The following CHD7 variants were observed in gnomAD, a reference collection of about 807,000 sequenced individuals.
CHD7 encodes the protein ATP-dependent chromatin remodeler CHD7.
CHD7 carries 24 observed loss-of-function variants against 307.3 expected under a neutral mutation model. That is an observed-to-expected ratio of 0.08 (90% CI 0.06 to 0.11). CHD7 has a LOEUF of 0.11. CHD7 is among the 10% of genes least tolerant of loss of function. The probability of loss-of-function intolerance (pLI) is 1.00; values close to 1 mark genes in which losing one functional copy is unlikely to be tolerated. For synonymous variants in CHD7, 1,363 were observed against 1,349.9 expected (o/e 1.01, Z -0.21); for missense variants, 3,106 against 3,727.1 (o/e 0.83, Z 4.34).
rs746168554 is a variant in CHD7 at position 60,838,135 on chromosome 8, A to G, written c.4413A>G (p.Ala1471=). 5.8e-6 allele frequency: 9 copies of G among 1,561,378 alleles called. No homozygotes were observed. The highest frequency in any genetic ancestry group is 1.9e-5 in the Admixed American group (1 of 51,562). The change falls in exon 19 of 38, where the codon GCA becomes GCG. Residue 1471 remains alanine (A), a synonymous_variant. Transcript: ENST00000423902. The stretch of plus-strand genomic sequence containing the variant: ...TTCTACGAAAAGGGGCCTATGGTGC[A>G]CTCATGGATGAGGAGGATGAAGGGT... ...EDLLRKGAYG[A]LMDEEDEGSK...
chr8:60,850,700 C>G, intron 26 of CHD7, 78 bp downstream of exon 26: 1 of 1,395,922 alleles, frequency 7.2e-7, no homozygotes, highest in Non-Finnish European at 9.9e-7. Flanking sequence ...TCTTACCCTG[C>G]AGTACACACT....
chr8:60,696,616 A>G (rs1806486053), intron 1 of CHD7, among the ~76,000 whole-genome samples: 1 of 151,512 alleles, frequency 6.6e-6, no homozygotes, highest in Non-Finnish European at 1.5e-5. Context: ...GATTGCAGGT[A>G]GTTTTTTTTT....
chr8:60,785,857 ATTC>A (rs1465919156), intron 3 of CHD7, among the ~76,000 whole-genome samples: 1 of 148,716 alleles, frequency 6.7e-6, no homozygotes, highest in East Asian at 2.0e-4. Flanking sequence ...TGATTTTCTT[ATTC>A]TTTATTTTAC....
At chr8:60,802,308 C>T (rs898824636) in intron 6 of CHD7, among the ~76,000 whole-genome samples, 1 of 152,148 alleles carries the variant, frequency 6.6e-6, no homozygotes, top group Non-Finnish European at 1.5e-5. Flanking sequence ...TTCTTACAGC[C>T]CACTTTGAGA....
At chr8:60,818,953 T>C (rs1045229866) in intron 8 of CHD7, among the ~76,000 whole-genome samples, 4 of 152,210 alleles carry the variant, frequency 2.6e-5, no homozygotes, top group Non-Finnish European at 5.9e-5. Context: ...TATGGCTTAG[T>C]CTATAACTCT....
chr8:60,769,369 C>T (rs1419577336), intron 2 of CHD7, among the ~76,000 whole-genome samples: 1 of 152,216 alleles, frequency 6.6e-6, no homozygotes, highest in Admixed American at 6.5e-5. Context: ...TCGAGCTACT[C>T]AAACTCTTGG....
rs11782077 is a variant in CHD7, at chr8:60,819,846, A to C, written c.2614-161A>C. On this transcript the variant is annotated intron_variant, in intron 8 of 37. Transcript: ENST00000423902. Reference sequence around the variant, plus strand: ...AAGTCTGATTTCCTCATGGGGAGTGATTTTGCTAAATTGTAGCATTTCAAT... The same window carrying C: ...AAGTCTGATTTCCTCATGGGGAGTGCTTTTGCTAAATTGTAGCATTTCAAT... Among the ~76,000 whole-genome samples, 284 of 152,342 alleles carry C rather than the reference A, an allele frequency of 1.9e-3. 2 individuals carry two copies. The highest frequency in any genetic ancestry group is 0.017 in the Middle Eastern group (5 of 294).
rs1327873036 is a variant in CHD7 at position 60,856,311 on chromosome 8, G to C, written c.7164+109G>C. On this transcript the variant is annotated intron_variant, in intron 33 of 37. Transcript: ENST00000423902. ...CTTGCTTAGAAATAAGATAGCTGCT[G>C]TTTCCTCAGCTCTGTGCACCAGTCA... 2.4e-6 allele frequency: 3 copies of C among 1,245,148 alleles called. No individual in the cohort carries two copies. The East Asian group carries it at 7.6e-5, about 32-fold the overall frequency. 77.1% of individuals were successfully genotyped at this position (1,245,148 alleles called of 1,614,324 possible).
intron 1 of CHD7, among the ~76,000 whole-genome samples, chr8:60,707,180 A>T (rs1807064695): frequency 6.6e-6 from 1 of 152,228 alleles, no homozygotes; most frequent in Non-Finnish European, 1.5e-5. Context: ...ATTAGTAAGA[A>T]ACACCTTTTG....
At chr8:60,778,171 C>G (rs571132343) in intron 2 of CHD7, among the ~76,000 whole-genome samples, 1 of 151,954 alleles carries the variant, frequency 6.6e-6, no homozygotes, top group African/African-American at 2.4e-5. Flanking sequence ...GGTTTTTTTC[C>G]CCACATGATT....
At chr8:60,825,991 C>T (rs1489865901) in intron 13 of CHD7, among the ~76,000 whole-genome samples, 1 of 152,072 alleles carries the variant, frequency 6.6e-6, no homozygotes, top group Non-Finnish European at 1.5e-5. Context: ...CTCCCCCAGC[C>T]CCCCACAATC....
chr8:60,748,970 A>AT (rs1216748648), intron 2 of CHD7, among the ~76,000 whole-genome samples: 87 of 137,290 alleles, frequency 6.3e-4, no homozygotes, highest in Non-Finnish European at 7.9e-4. Flanking sequence ...CAGTGGTACA[A>AT]TTTTTTTTTT....
intron 6 of CHD7, among the ~76,000 whole-genome samples, chr8:60,807,928 A>G (rs573206294): frequency 6.6e-6 from 1 of 152,212 alleles, no homozygotes; most frequent in Non-Finnish European, 1.5e-5. Context: ...CAGAAGGCCA[A>G]ATTTGGGGTC....
Position 60,866,239 on chromosome 8 carries a change from G to A in CHD7, c.*306G>A, listed in dbSNP as rs1353908763. ...TTGGTACCATTGGTATTATAATAAA[G>A]AGCAATTTGTAACTGAGTGGCACTA... On this transcript the variant is annotated 3_prime_UTR_variant, in exon 38 of 38. Coordinates refer to ENST00000423902, the MANE Select transcript of CHD7 (RefSeq NM_017780.4). 1 of 208,526 alleles carries A rather than the reference G, an allele frequency of 4.8e-6. No individual in the cohort carries two copies. The highest frequency in any genetic ancestry group is 9.5e-6 in the Non-Finnish European group (1 of 104,782). 12.9% of individuals were successfully genotyped at this position (208,526 alleles called of 1,614,324 possible).
intron 2 of CHD7, among the ~76,000 whole-genome samples, chr8:60,764,406 A>G (rs1360806065): frequency 2.6e-5 from 4 of 152,238 alleles, no homozygotes; most frequent in South Asian, 2.1e-4. Flanking sequence ...AGATAGTTCA[A>G]CTGCTACTGG....
At chr8:60,744,308 G>A (rs1563563967) in intron 2 of CHD7, among the ~76,000 whole-genome samples, 1 of 152,092 alleles carries the variant, frequency 6.6e-6, no homozygotes, top group Non-Finnish European at 1.5e-5. Flanking sequence ...TGATTAGACA[G>A]TCCACAGGAC....
At chr8:60,679,444 G>T (rs1457573530) in intron 1 of CHD7, 1 of 145,866 alleles carries the variant, frequency 6.9e-6, no homozygotes, top group East Asian at 2.0e-4. Context: ...GGCGTGGGGG[G>T]GGGGTACGGG....
At position 60,828,665 on chromosome 8, in the gene CHD7, A is replaced by G. The variant is rs1015914018; in HGVS notation, c.3381A>G (p.Glu1127=). ...LLEGLKMMDL[E]HKVLLTGTPL... is the part of the protein sequence containing the mutation. Reference sequence around the variant, plus strand: ...TGGCTTTCCTTGTGTTACCTCAGGAACACAAAGTGCTGCTGACGGGAACCC... The same window carrying G: ...TGGCTTTCCTTGTGTTACCTCAGGAGCACAAAGTGCTGCTGACGGGAACCC... Residue 1127 remains glutamate, a splice_region_variant and synonymous_variant, in exon 14 of 38, where the codon GAA becomes GAG. Coordinates refer to ENST00000423902, the MANE Select transcript of CHD7 (RefSeq NM_017780.4). The G allele has an allele frequency of 8.7e-6, 14 of 1,602,154 alleles. No homozygotes were observed. Among genetic ancestry groups the G allele is most frequent in the South Asian group, 2.3e-5 (2 of 88,526 alleles).
At chr8:60,840,390 G>T (rs777726403) in intron 19 of CHD7, among the ~76,000 whole-genome samples, 47 of 152,108 alleles carry the variant, frequency 3.1e-4, no homozygotes, top group Admixed American at 1.0e-3. Context: ...ATCTCTGTTT[G>T]TCCACCTGAC....
Sources: allele counts gnomAD v4.1 joint callset (sites outside exome capture counted in the v4.1 genomes callset), GRCh38; gene constraint gnomAD v4.1.1; transcripts MANE v1.5; gene names NCBI Gene and HGNC (gene_info 2026-07-23, HGNC 2026-07-21).